The following PIK3C2G variants were observed in gnomAD, a reference collection of about 807,000 sequenced individuals.
PIK3C2G encodes phosphatidylinositol 3-kinase C2 domain-containing subunit gamma.
PIK3C2G carries 168 observed loss-of-function variants against 181.1 expected under a neutral mutation model. The observed-to-expected ratio is 0.93, with a 90% CI of 0.82 to 1.05. The LOEUF (loss-of-function observed/expected upper bound fraction) is 1.05, where lower values mean the gene tolerates loss of function less well. PIK3C2G is among the 50% of genes least tolerant of loss of function. The pLI, the probability that PIK3C2G is intolerant of heterozygous loss-of-function variation, is 0.00. For synonymous variants in PIK3C2G, 573 were observed against 592.2 expected (o/e 0.97, Z 0.47); for missense variants, 1,869 against 1,732.8 (o/e 1.08, Z -1.40).
Position 18,562,797 on chromosome 12 carries a change from A to G in PIK3C2G, c.3685A>G (p.Thr1229Ala), listed in dbSNP as rs757821834. 3.1e-6 allele frequency: 5 copies of G among 1,607,766 alleles called. No homozygotes were observed. The highest frequency in any genetic ancestry group is 3.4e-6 in the Non-Finnish European group (4 of 1,176,478). ...QMSAISPAKS[T>A]SQTFPQESCL... is the part of the protein sequence containing the mutation. The stretch of plus-strand genomic sequence containing the variant: ...GTCAGCCATAAGCCCTGCCAAATCT[A>G]CTTCACAGACTTTTCCTCAGGAATC... The change falls in exon 27 of 33, where the codon ACT (threonine) becomes GCT (alanine). Residue 1229 changes from threonine to alanine, a missense_variant. Coordinates refer to ENST00000538779, the MANE Select transcript of PIK3C2G (RefSeq NM_001288772.2).
the PIK3C2G span, among the ~76,000 whole-genome samples, chr12:18,703,472 G>T: frequency 1.3e-5 from 2 of 152,282 alleles, no homozygotes; most frequent in South Asian, 2.1e-4. Flanking sequence ...CTTCGATGGT[G>T]CATGACCATT....
At chr12:18,578,298 C>T (rs1022772679) in intron 29 of PIK3C2G, among the ~76,000 whole-genome samples, 3 of 152,148 alleles carry the variant, frequency 2.0e-5, no homozygotes, top group Non-Finnish European at 4.4e-5. Flanking sequence ...TAACTTCACA[C>T]GTTGGGTTTT....
intron 30 of PIK3C2G, among the ~76,000 whole-genome samples, chr12:18,603,403 G>A (rs542681442): frequency 6.6e-6 from 1 of 152,254 alleles, no homozygotes. Context: ...AGAATAATCG[G>A]TGTTTCTTAG....
At chr12:18,482,958 G>A (rs933993206) in intron 18 of PIK3C2G, among the ~76,000 whole-genome samples, 3 of 151,974 alleles carry the variant, frequency 2.0e-5, no homozygotes, top group South Asian at 2.1e-4. Context: ...TTGGTTTTTC[G>A]TTTACTTGTT....
chr12:18,668,414 T>C, the PIK3C2G span, among the ~76,000 whole-genome samples: 1 of 152,166 alleles, frequency 6.6e-6, no homozygotes, highest in Non-Finnish European at 1.5e-5. Context: ...ACCTTGCTCA[T>C]CCATCAGAAA....
intron 8 of PIK3C2G, among the ~76,000 whole-genome samples, chr12:18,330,617 T>C (rs1053715941): frequency 6.6e-6 from 1 of 152,186 alleles, no homozygotes; most frequent in Non-Finnish European, 1.5e-5. Context: ...TTCAAATCTT[T>C]TGCCTATTTT....
the PIK3C2G span, chr12:18,694,935 C>T: frequency 3.1e-6 from 5 of 1,601,276 alleles, no homozygotes; most frequent in Non-Finnish European, 4.3e-6. Context: ...AATTGGCATA[C>T]CCTCTTTTAT....
intron 2 of PIK3C2G, 57 bp downstream of exon 2, chr12:18,282,816 G>A (rs1949278911): frequency 1.7e-6 from 2 of 1,164,864 alleles, no homozygotes; most frequent in Admixed American, 5.0e-5. Context: ...ATTCAATAAT[G>A]TATTGGGTTA....
At position 18,587,621 on chromosome 12, in the gene PIK3C2G, T is replaced by C. The variant is rs1259902519; in HGVS notation, c.4012-6873T>C. Among the ~76,000 whole-genome samples the C allele has an allele frequency of 2.0e-5, 3 of 152,164 alleles. No individual in the cohort carries two copies. The East Asian group carries it at 5.8e-4, about 29-fold the overall frequency. Reference sequence around the variant, plus strand: ...AAGATTAATATCATTAAAATGGCCATACTGCTCAAAACAATTTACAGAGTC... The same window carrying C: ...AAGATTAATATCATTAAAATGGCCACACTGCTCAAAACAATTTACAGAGTC... On this transcript the variant is annotated intron_variant, in intron 29 of 32. Coordinates refer to ENST00000538779, the MANE Select transcript of PIK3C2G (RefSeq NM_001288772.2).
At chr12:18,398,471 AAGAT>A (rs1291250212) in intron 15 of PIK3C2G, among the ~76,000 whole-genome samples, 1 of 152,234 alleles carries the variant, frequency 6.6e-6, no homozygotes, top group Non-Finnish European at 1.5e-5. Context: ...ATTATAGAGA[AAGAT>A]AGACCTTTAA....
chr12:18,408,986 G>A (rs1944702220), intron 16 of PIK3C2G, among the ~76,000 whole-genome samples: 1 of 152,144 alleles, frequency 6.6e-6, no homozygotes, highest in African/African-American at 2.4e-5. Flanking sequence ...GGAAGACAAT[G>A]TGGCAATTCC....
intron 8 of PIK3C2G, among the ~76,000 whole-genome samples, chr12:18,333,885 A>C (rs1938235433): frequency 6.6e-6 from 1 of 152,170 alleles, no homozygotes; most frequent in African/African-American, 2.4e-5. Flanking sequence ...TCTCCATCAC[A>C]GCTAAATAAG....
chr12:18,631,591 AT>A (rs1949353914), intron 31 of PIK3C2G, among the ~76,000 whole-genome samples: 1 of 152,222 alleles, frequency 6.6e-6, no homozygotes, highest in Non-Finnish European at 1.5e-5. Context: ...TATAGAATGA[AT>A]GAAGGAAAAG....
chr12:18,424,540 T>C (rs1434213959), intron 18 of PIK3C2G: 1 of 161,910 alleles, frequency 6.2e-6, no homozygotes, highest in Non-Finnish European at 1.4e-5. Context: ...GAAATAAGAC[T>C]GATTCATAAG....
chr12:18,308,763 T>A (rs1377089819), intron 5 of PIK3C2G, among the ~76,000 whole-genome samples: 4 of 151,716 alleles, frequency 2.6e-5, no homozygotes, highest in Admixed American at 6.6e-5. Context: ...AGAAATTTTT[T>A]AAATATGCAT....
chr12:18,299,753 G>C (rs1950099246), intron 5 of PIK3C2G, among the ~76,000 whole-genome samples: 1 of 151,810 alleles, frequency 6.6e-6, no homozygotes, highest in African/African-American at 2.4e-5. Context: ...AGAATGTTTA[G>C]TTTCATCAGA....
the PIK3C2G span, among the ~76,000 whole-genome samples, chr12:18,708,001 T>C: frequency 6.6e-6 from 1 of 152,200 alleles, no homozygotes; most frequent in African/African-American, 2.4e-5. Context: ...AGTTACCCTT[T>C]TTAAAATTTT....
chr12:18,713,754 C>T, the PIK3C2G span: 1 of 152,166 alleles, frequency 6.6e-6, no homozygotes, highest in Admixed American at 6.5e-5. Context: ...TACAAGTTCA[C>T]AGCTTTATCA....
At chr12:18,669,630 T>C in the PIK3C2G span, among the ~76,000 whole-genome samples, 1 of 151,480 alleles carries the variant, frequency 6.6e-6, no homozygotes, top group Non-Finnish European at 1.5e-5. Flanking sequence ...AATCCTCACA[T>C]GGCAGAGAGA....
Sources: gnomAD v4.1 joint callset for allele counts (sites outside exome capture counted in the v4.1 genomes callset) on GRCh38, gnomAD v4.1.1 for gene constraint, MANE v1.5 for transcripts, NCBI Gene and HGNC (gene_info 2026-07-23, HGNC 2026-07-21) for gene names.